TSTD2: variants seen among roughly 807,000 people sequenced by gnomAD.
The protein encoded by TSTD2 is thiosulfate sulfurtransferase like domain containing 2, also known as thiosulfate sulfurtransferase/rhodanese-like domain-containing protein 2.
A neutral mutation model predicts 47.9 loss-of-function variants in TSTD2; 37 were observed. The observed-to-expected ratio is 0.77, with a 90% CI of 0.59 to 1.02. The LOEUF (loss-of-function observed/expected upper bound fraction) is 1.02. Ranked by LOEUF, TSTD2 falls within the 50% of genes least tolerant of loss-of-function variation. The probability of loss-of-function intolerance (pLI) is 0.00; values close to 1 mark genes in which losing one functional copy is unlikely to be tolerated. For missense variants in TSTD2, 586 were observed against 616.0 expected (o/e 0.95, Z 0.52); for synonymous variants, 201 against 215.9 (o/e 0.93, Z 0.61).
At chr9:97,619,262 TG>T (rs1826591874) in intron 3 of TSTD2, among the ~76,000 whole-genome samples, 1 of 152,222 alleles carries the variant, frequency 6.6e-6, no homozygotes, top group African/African-American at 2.4e-5. Flanking sequence ...TAAAAGGGAA[TG>T]TGGCACTGAG....
At chr9:97,606,765 G>A (rs1202286105) in intron 6 of TSTD2, among the ~76,000 whole-genome samples, 4 of 152,184 alleles carry the variant, frequency 2.6e-5, no homozygotes, top group Non-Finnish European at 5.9e-5. Flanking sequence ...ACAGGCAGGT[G>A]TGAGCAAAAA....
chr9:97,608,551 G>A (rs981314547), intron 6 of TSTD2, among the ~76,000 whole-genome samples: 8 of 152,054 alleles, frequency 5.3e-5, no homozygotes, highest in African/African-American at 9.7e-5. Context: ...CAGGAGAATC[G>A]CTTGAACCCC....
intron 3 of TSTD2, among the ~76,000 whole-genome samples, chr9:97,621,643 C>T (rs112289590): frequency 9.9e-5 from 15 of 152,240 alleles, no homozygotes; most frequent in Middle Eastern, 3.4e-3. Context: ...GGATGAAATA[C>T]GCTCTGGTCT....
intron 2 of TSTD2, among the ~76,000 whole-genome samples, chr9:97,626,390 T>C (rs1449974444): frequency 6.6e-6 from 1 of 152,190 alleles, no homozygotes; most frequent in African/African-American, 2.4e-5. Context: ...CAGCCAGTTT[T>C]AAGTTATATG....
At position 97,620,785 on chromosome 9, in the gene TSTD2, G is replaced by C. The variant is rs116676841; in HGVS notation, c.483-2908C>G. 6.6e-3 allele frequency among the ~76,000 whole-genome samples: 1,007 copies of C among 152,244 alleles called. 10 individuals are homozygous for C. The highest frequency in any genetic ancestry group is 0.023 in the African/African-American group (968 of 41,530). On this transcript the variant is annotated intron_variant, in intron 3 of 9. Transcript: ENST00000341170. Reference sequence around the variant, plus strand: ...TTGAACTTGAGAGAGACGATTTAGGGTATCAGCAAAGCATTCAAGAGGTGA... The same window carrying C: ...TTGAACTTGAGAGAGACGATTTAGGCTATCAGCAAAGCATTCAAGAGGTGA...
intron 3 of TSTD2, among the ~76,000 whole-genome samples, chr9:97,618,811 A>G (rs1438396806): frequency 6.6e-6 from 1 of 152,146 alleles, no homozygotes; most frequent in Non-Finnish European, 1.5e-5. Context: ...GCCTCATCAT[A>G]TTTCAGGGCC....
chr9:97,622,200 A>G (rs962935200), intron 3 of TSTD2, among the ~76,000 whole-genome samples: 1 of 152,196 alleles, frequency 6.6e-6, no homozygotes, highest in African/African-American at 2.4e-5. Flanking sequence ...CAGTCTAGGG[A>G]CTTGGTGCCC....
chr9:97,605,875 T>C (rs1826357192), intron 7 of TSTD2, among the ~76,000 whole-genome samples: 1 of 152,204 alleles, frequency 6.6e-6, no homozygotes, highest in African/African-American at 2.4e-5. Flanking sequence ...AAAGGCAACT[T>C]TGCAAGATCC....
At position 97,605,992 on chromosome 9, in the gene TSTD2, A is replaced by G. The variant is rs192997734; in HGVS notation, c.954+151T>C. On this transcript the variant is annotated intron_variant, in intron 7 of 9. Transcript: ENST00000341170. ...CTCTCTCACCAGATTTCTGAGTTTTAGGACTTGGGTTTTCTCTGAAGCTGC... is the reference window on the plus strand; with the variant it reads ...CTCTCTCACCAGATTTCTGAGTTTTGGGACTTGGGTTTTCTCTGAAGCTGC... The G allele has an allele frequency of 7.4e-5, 52 of 702,530 alleles. No individual in the cohort carries two copies. In the African/African-American group the frequency reaches 9.2e-4, roughly 12 times the overall value. The allele number at this position is 702,530 out of a possible 1,614,324, so 43.5% of individuals were successfully genotyped here.
At chr9:97,632,547 T>TG (rs1055980376) in intron 1 of TSTD2, among the ~76,000 whole-genome samples, 3 of 85,212 alleles carry the variant, frequency 3.5e-5, no homozygotes, top group Non-Finnish European at 7.3e-5. Context: ...TAGGCTCAGC[T>TG]AATTTTTTTT....
At chr9:97,623,663 A>G in intron 3 of TSTD2, among the ~76,000 whole-genome samples, 1 of 152,294 alleles carries the variant, frequency 6.6e-6, no homozygotes, top group South Asian at 2.1e-4. Flanking sequence ...GCTCAAGACT[A>G]GTCTGGCCAA....
At chr9:97,623,758 G>A (rs1443495469) in intron 3 of TSTD2, among the ~76,000 whole-genome samples, 1 of 152,118 alleles carries the variant, frequency 6.6e-6, no homozygotes, top group East Asian at 1.9e-4. Context: ...TCGGGAGGCT[G>A]AGGCAGGAGA....
rs971755901 is a variant in TSTD2, at chr9:97,602,974, ACTGT to A, written c.1253-211_1253-208del. On this transcript the variant is annotated intron_variant, in intron 9 of 9. Transcript: ENST00000341170. ...TTTTTTGTGGGGGTGACTTCTGGTA[ACTGT>A]CTGCTTCCAGTATTTACTGACTTTT... 3 of 505,576 alleles carry A rather than the reference ACTGT, an allele frequency of 5.9e-6. No homozygotes were observed. The Admixed American group carries it at 1.2e-4, about 20-fold the overall frequency. 31.3% of individuals were successfully genotyped at this position (505,576 alleles called of 1,614,324 possible). A position where few individuals can be genotyped will look rare whatever the true frequency, so the allele number is the denominator to read the frequency against.
At chr9:97,617,934 C>A (rs548685460) in intron 3 of TSTD2, 57 bp from the exon 4 acceptor site, 138 of 1,578,482 alleles carry the variant, frequency 8.7e-5, no homozygotes, top group Non-Finnish European at 1.1e-4. Flanking sequence ...AAAGAAGTCA[C>A]AATTCATAAA....
At chr9:97,629,349 T>C (rs1384674043) in intron 1 of TSTD2, among the ~76,000 whole-genome samples, 1 of 152,202 alleles carries the variant, frequency 6.6e-6, no homozygotes, top group Non-Finnish European at 1.5e-5. Context: ...AATACCAACT[T>C]TCTTATAAAG....
At chr9:97,614,272 G>T (rs567154071) in intron 4 of TSTD2, among the ~76,000 whole-genome samples, 4 of 152,128 alleles carry the variant, frequency 2.6e-5, no homozygotes, top group East Asian at 1.9e-4. Flanking sequence ...TATGATCAGA[G>T]AATATTTTAG....
At position 97,604,609 on chromosome 9, in the gene TSTD2, C is replaced by T. The variant is rs1826332552; in HGVS notation, c.1252+118G>A. ...TGGTGGCACAATGTACTTATTTTCC[C>T]TGCTTATTCAGTGCTCAGTAATGAG... On this transcript the variant is annotated intron_variant, in intron 9 of 9. Coordinates refer to ENST00000341170, the MANE Select transcript of TSTD2 (RefSeq NM_139246.5). 3 of 1,417,876 alleles carry T rather than the reference C, an allele frequency of 2.1e-6. No individual in the cohort carries two copies. The African/African-American group carries it at 4.3e-5, about 20-fold the overall frequency. 87.8% of individuals were successfully genotyped at this position (1,417,876 alleles called of 1,614,324 possible). A position where few individuals can be genotyped will look rare whatever the true frequency, so the allele number is the denominator to read the frequency against.
In TSTD2 at chr9:97,627,518, G is replaced by C. The variant is rs759122017; in HGVS notation, c.45C>G (p.Asn15Lys). The change falls in exon 2 of 10, where the codon AAC becomes AAG. Residue 15 changes from asparagine (N) to lysine (K), a missense_variant. Coordinates refer to ENST00000341170, the MANE Select transcript of TSTD2 (RefSeq NM_139246.5). ...TSPDQGDDLE[N>K]CILRFSDLDL... The stretch of plus-strand genomic sequence containing the variant: ...CCAGGTCAGAAAATCTTAAAATGCA[G>C]TTCTCCAGGTCATCTCCTTGGTCTG... 6.2e-7 allele frequency: 1 copy of C among 1,613,084 alleles called. No homozygotes were observed. Among genetic ancestry groups the C allele is most frequent in the South Asian group, 1.1e-5 (1 of 90,980 alleles).
At chr9:97,617,505 G>C (rs570015612) in intron 4 of TSTD2, among the ~76,000 whole-genome samples, 2 of 152,236 alleles carry the variant, frequency 1.3e-5, no homozygotes, top group Non-Finnish European at 2.9e-5. Context: ...AGTTTTTTGT[G>C]CAACACCTAA....
Sources: allele counts gnomAD v4.1 joint callset (sites outside exome capture counted in the v4.1 genomes callset), GRCh38; gene constraint gnomAD v4.1.1; transcripts MANE v1.5; gene names NCBI Gene and HGNC (gene_info 2026-07-23, HGNC 2026-07-21).